Variants in RANBP2 observed in about 807,000 individuals in gnomAD.
RANBP2 encodes RAN binding protein 2, also known as E3 SUMO-protein ligase RanBP2.
RANBP2 carries 57 observed loss-of-function variants against 303.6 expected under a neutral mutation model. The ratio of observed to expected loss-of-function variants is 0.19; its 90% confidence interval spans 0.15 to 0.23. The LOEUF is 0.23. RANBP2 is among the 10% of genes least tolerant of loss of function. The pLI is 1.00. For missense variants in RANBP2, 3,138 were observed against 3,780.8 expected, an observed-to-expected ratio of 0.83 and a Z score of 4.46; for synonymous variants, 1,167 against 1,301.5, an observed-to-expected ratio of 0.90 and a Z score of 2.23.
the RANBP2 span, among the ~76,000 whole-genome samples, chr2:109,419,366 G>A: frequency 2.4e-4 from 37 of 152,320 alleles, no homozygotes; most frequent in African/African-American, 8.4e-4. Context: ...AGGGGTCCCG[G>A]GCTGCCAGGC....
the RANBP2 span, among the ~76,000 whole-genome samples, chr2:109,113,242 G>T: frequency 6.6e-6 from 1 of 151,776 alleles, no homozygotes; most frequent in East Asian, 1.9e-4. Context: ...CCATTTTCAC[G>T]ATATTGATTC....
chr2:109,337,732 C>T, the RANBP2 span, among the ~76,000 whole-genome samples: 1 of 151,552 alleles, frequency 6.6e-6, no homozygotes, highest in South Asian at 2.1e-4. Context: ...TTGCTAAGGT[C>T]CCCCTTTTTT....
chr2:109,129,896 A>G, the RANBP2 span: 6 of 1,512,988 alleles, frequency 4.0e-6, no homozygotes, highest in Non-Finnish European at 4.4e-6. Context: ...CGACTGCTGG[A>G]CGGCATCCGT....
chr2:109,145,549 C>T, the RANBP2 span, among the ~76,000 whole-genome samples: 1 of 152,236 alleles, frequency 6.6e-6, no homozygotes, highest in African/African-American at 2.4e-5. Flanking sequence ...CTCACACATC[C>T]TCCACCCCTA....
the RANBP2 span, among the ~76,000 whole-genome samples, chr2:109,636,861 C>A: frequency 1.3e-5 from 2 of 152,134 alleles, no homozygotes; most frequent in Admixed American, 6.6e-5. Context: ...TGCCCCTCCA[C>A]ACCTGTGGGT....
the RANBP2 span, among the ~76,000 whole-genome samples, chr2:109,476,477 A>G: frequency 8.5e-5 from 13 of 152,228 alleles, no homozygotes; most frequent in Non-Finnish European, 1.6e-4. Flanking sequence ...CAGTTCATAC[A>G]AGGAGGTCTA....
chr2:108,958,786 T>C, the RANBP2 span, among the ~76,000 whole-genome samples: 5 of 143,778 alleles, frequency 3.5e-5, no homozygotes, highest in Admixed American at 2.1e-4. Context: ...TGTGACTGGA[T>C]GTGAATGAAT....
chr2:108,725,375 A>G (rs1415635246), intron 1 of RANBP2, among the ~76,000 whole-genome samples: 1 of 145,418 alleles, frequency 6.9e-6, no homozygotes, highest in Non-Finnish European at 1.5e-5. Flanking sequence ...AAGATTGTCT[A>G]CTTTAATAAC....
At chr2:109,416,904 C>CAAAAAA in the RANBP2 span, among the ~76,000 whole-genome samples, 1 of 64,352 alleles carries the variant, frequency 1.6e-5, no homozygotes, top group Non-Finnish European at 3.4e-5. Flanking sequence ...GACTTCATCT[C>CAAAAAA]AAAAAAAAAA....
the RANBP2 span, among the ~76,000 whole-genome samples, chr2:108,891,712 G>A: frequency 2.0e-5 from 3 of 152,142 alleles, no homozygotes; most frequent in African/African-American, 7.2e-5. Flanking sequence ...GGGTTTTTGG[G>A]CCTTTGGGCA....
chr2:109,495,309 G>C, the RANBP2 span, among the ~76,000 whole-genome samples: 1 of 152,100 alleles, frequency 6.6e-6, no homozygotes, highest in South Asian at 2.1e-4. Context: ...GGTCTGTTCT[G>C]GTGCAGGGCC....
chr2:108,862,102 A>C, the RANBP2 span, among the ~76,000 whole-genome samples: 1 of 141,808 alleles, frequency 7.1e-6, no homozygotes, highest in Non-Finnish European at 1.5e-5. Context: ...ATTTGTTGAG[A>C]CTTTCCTGAG....
At chr2:109,521,226 A>C in the RANBP2 span, among the ~76,000 whole-genome samples, 1 of 152,142 alleles carries the variant, frequency 6.6e-6, no homozygotes, top group African/African-American at 2.4e-5. Context: ...TCAAAAAAAA[A>C]AAAAAGAATT....
At chr2:109,765,386 C>CT in the RANBP2 span, among the ~76,000 whole-genome samples, 21 of 150,344 alleles carry the variant, frequency 1.4e-4, 1 homozygote, top group Non-Finnish European at 1.2e-4. Context: ...CTTTCTCTTT[C>CT]TTTTTTTTAA....
chr2:109,316,596 G>T, the RANBP2 span, among the ~76,000 whole-genome samples: 9 of 152,152 alleles, frequency 5.9e-5, no homozygotes, highest in African/African-American at 9.7e-5. Flanking sequence ...TGAGCAGAAG[G>T]TACAGAGAAT....
chr2:108,811,165 T>A, the RANBP2 span, among the ~76,000 whole-genome samples: 1 of 147,734 alleles, frequency 6.8e-6, no homozygotes, highest in Non-Finnish European at 1.5e-5. Flanking sequence ...CCTACCCCCC[T>A]AACCCTGCCT....
chr2:108,931,345 C>A, the RANBP2 span, among the ~76,000 whole-genome samples: 1 of 152,158 alleles, frequency 6.6e-6, no homozygotes, highest in African/African-American at 2.4e-5. Context: ...AGAAACCTAG[C>A]CTTACATGAG....
At chr2:109,106,314 A>C in the RANBP2 span, among the ~76,000 whole-genome samples, 13 of 152,240 alleles carry the variant, frequency 8.5e-5, no homozygotes, top group Admixed American at 3.3e-4. Flanking sequence ...TACCAACACT[A>C]CTAGCCATGA....
chr2:109,652,227 G>T, the RANBP2 span, among the ~76,000 whole-genome samples: 496 of 144,312 alleles, frequency 3.4e-3, 3 homozygotes, highest in African/African-American at 0.012. Flanking sequence ...ATTTTTGTTT[G>T]TTTTTTTTTT....
Sources: gnomAD v4.1 joint callset for allele counts (sites outside exome capture counted in the v4.1 genomes callset) on GRCh38, gnomAD v4.1.1 for gene constraint, MANE v1.5 for transcripts, NCBI Gene and HGNC (gene_info 2026-07-23, HGNC 2026-07-21) for gene names.